The following LRRC28 variants were observed in gnomAD, a reference collection of about 807,000 sequenced individuals.
LRRC28 encodes leucine-rich repeat-containing protein 28.
LRRC28 carries 39 observed loss-of-function variants against 45.7 expected under a neutral mutation model. The ratio of observed to expected loss-of-function variants is 0.85; its 90% CI spans 0.66 to 1.12. LRRC28 has a LOEUF of 1.12. Ranked by LOEUF, LRRC28 falls within the 50% of genes most tolerant of loss-of-function variation. The pLI is 0.00. For missense variants in LRRC28, 435 were observed against 438.5 expected, an observed-to-expected ratio of 0.99 and a Z score of 0.07; for synonymous variants, 206 against 178.8, an observed-to-expected ratio of 1.15 and a Z score of -1.22.
At chr15:99,332,774 A>G (rs1221963418) in intron 5 of LRRC28, among the ~76,000 whole-genome samples, 1 of 152,216 alleles carries the variant, frequency 6.6e-6, no homozygotes, top group Non-Finnish European at 1.5e-5. Context: ...CCAAGACGGC[A>G]GAAGACTCTT....
At chr15:99,364,896 C>G (rs1313177580) in intron 9 of LRRC28, among the ~76,000 whole-genome samples, 1 of 152,082 alleles carries the variant, frequency 6.6e-6, no homozygotes, top group Non-Finnish European at 1.5e-5. Flanking sequence ...AGCAAATGAT[C>G]TTTATATTAG....
Position 99,348,735 on chromosome 15 carries a change from G to GT in LRRC28, c.593-3626dup, listed in dbSNP as rs142559464. ...TCTCAGTATTGCTTTGGCTATTTGG[G>GT]TTTTTTTTGTTGTTTTTTTTTTGTT... is the stretch of plus-strand genomic sequence containing the variant. On this transcript the variant is annotated intron_variant, in intron 6 of 9. Coordinates refer to ENST00000301981, the MANE Select transcript of LRRC28 (RefSeq NM_144598.5). Among the ~76,000 whole-genome samples, 995 of 147,698 alleles carry GT rather than the reference G, an allele frequency of 6.7e-3. 9 individuals are homozygous for GT. The highest frequency in any genetic ancestry group is 0.024 in the African/African-American group (959 of 40,442).
intron 9 of LRRC28, chr15:99,384,737 G>T (rs577592331): frequency 2.0e-5 from 3 of 152,282 alleles, no homozygotes; most frequent in African/African-American, 7.2e-5. Flanking sequence ...GAGTAACCAT[G>T]ATGCCACCAC....
intron 9 of LRRC28, among the ~76,000 whole-genome samples, chr15:99,363,623 G>T (rs1567699565): frequency 6.6e-6 from 1 of 152,194 alleles, no homozygotes; most frequent in Non-Finnish European, 1.5e-5. Flanking sequence ...CTTTTGCTTG[G>T]TTGGTGTTGC....
At chr15:99,363,069 T>C (rs1430329793) in intron 8 of LRRC28, 37 bp from the exon 9 acceptor site, 2 of 1,576,780 alleles carry the variant, frequency 1.3e-6, no homozygotes, top group East Asian at 4.5e-5. Context: ...AAGTCTGATT[T>C]TTTTACTCGT....
At chr15:99,287,766 G>A in intron 4 of LRRC28, 48 bp from the exon 5 acceptor site, 1 of 1,547,822 alleles carries the variant, frequency 6.5e-7, no homozygotes, top group Non-Finnish European at 8.7e-7. Flanking sequence ...AAGATTTGAT[G>A]TAATACTTGA....
At chr15:99,346,502 A>G (rs1435715530) in intron 6 of LRRC28, among the ~76,000 whole-genome samples, 3 of 152,260 alleles carry the variant, frequency 2.0e-5, no homozygotes, top group African/African-American at 7.2e-5. Context: ...AATAGCAAAA[A>G]TTTGAATCAA....
At chr15:99,260,256 A>G (rs1285686675) in intron 2 of LRRC28, among the ~76,000 whole-genome samples, 2 of 152,190 alleles carry the variant, frequency 1.3e-5, no homozygotes, top group East Asian at 1.9e-4. Flanking sequence ...AAATCTTGTC[A>G]TGTATAAAAA....
intron 6 of LRRC28, among the ~76,000 whole-genome samples, chr15:99,348,791 A>AT (rs1247069863): frequency 6.7e-6 from 1 of 149,034 alleles, no homozygotes; most frequent in Non-Finnish European, 1.5e-5. Flanking sequence ...ATTTTAGAAA[A>AT]TTTTTTTCTA....
At chr15:99,373,026 C>A (rs544214984) in intron 9 of LRRC28, among the ~76,000 whole-genome samples, 3 of 152,014 alleles carry the variant, frequency 2.0e-5, no homozygotes, top group Non-Finnish European at 2.9e-5. Flanking sequence ...TAACCACCCC[C>A]CCATGATTTA....
rs530566654 is a variant in LRRC28 at position 99,293,973 on chromosome 15, CTT to C, written c.385+6027_385+6028del. Among the ~76,000 whole-genome samples the C allele has an allele frequency of 5.0e-3, 761 of 152,246 alleles. 1 individual carries two copies. The highest frequency in any genetic ancestry group is 8.6e-3 in the Non-Finnish European group (584 of 68,004). ...GAAATAAAATTCTGGATTGACAAGA[CTT>C]TTTTCTTTGAGCACTTTAAGGAAGA... On this transcript the variant is annotated intron_variant, in intron 5 of 9. Transcript: ENST00000301981.
At chr15:99,301,762 A>G (rs182922864) in intron 5 of LRRC28, among the ~76,000 whole-genome samples, 4 of 152,322 alleles carry the variant, frequency 2.6e-5, no homozygotes, top group Admixed American at 1.3e-4. Flanking sequence ...GAGAGTTTAC[A>G]TATTACCAGT....
intron 5 of LRRC28, among the ~76,000 whole-genome samples, chr15:99,300,792 C>T (rs931654470): frequency 1.7e-4 from 26 of 152,150 alleles, no homozygotes; most frequent in African/African-American, 6.3e-4. Context: ...TGCCACTGCA[C>T]TCCAGCCTGG....
intron 9 of LRRC28, among the ~76,000 whole-genome samples, chr15:99,384,068 C>A (rs1033839065): frequency 1.3e-5 from 2 of 152,214 alleles, no homozygotes; most frequent in Admixed American, 1.3e-4. Context: ...TCCTGCAACT[C>A]CATCAGCGTG....
At chr15:99,300,184 G>A (rs1278255084) in intron 5 of LRRC28, among the ~76,000 whole-genome samples, 1 of 151,632 alleles carries the variant, frequency 6.6e-6, no homozygotes, top group African/African-American at 2.4e-5. Flanking sequence ...TTAGGTTGTA[G>A]CATGAATCCA....
intron 9 of LRRC28, among the ~76,000 whole-genome samples, chr15:99,372,411 A>C (rs1357119478): frequency 6.6e-6 from 1 of 152,206 alleles, no homozygotes; most frequent in Non-Finnish European, 1.5e-5. Flanking sequence ...CTTATTGCTT[A>C]GCTCAAAGTG....
Position 99,266,638 on chromosome 15 carries a change from C to T in LRRC28, c.169-9938C>T, listed in dbSNP as rs550998686. Among the ~76,000 whole-genome samples, 13 of 152,298 alleles carry T rather than the reference C, an allele frequency of 8.5e-5. No homozygotes were observed. The South Asian group carries it at 2.5e-3, about 29-fold the overall frequency. The stretch of plus-strand genomic sequence containing the variant: ...GGATATGTGTTTGAATCGGCATTTT[C>T]ACTTGCAAGAATCTACCCAATAGAA... On this transcript the variant is annotated intron_variant, in intron 2 of 9. Coordinates refer to ENST00000301981, the MANE Select transcript of LRRC28 (RefSeq NM_144598.5).
At chr15:99,336,559 G>GTTGGCCTCATTCAA (rs1351191889) in intron 6 of LRRC28, among the ~76,000 whole-genome samples, 1 of 152,136 alleles carries the variant, frequency 6.6e-6, no homozygotes, top group East Asian at 1.9e-4. Context: ...TGACACTCTC[G>GTTGGCCTCATTCAA]TTGGCCTCAT....
chr15:99,295,227 T>C (rs2082232649), intron 5 of LRRC28, among the ~76,000 whole-genome samples: 1 of 152,202 alleles, frequency 6.6e-6, no homozygotes, highest in African/African-American at 2.4e-5. Context: ...TTTGTTGCTG[T>C]TGCTGCTGCT....
Sources: allele counts gnomAD v4.1 joint callset (sites outside exome capture counted in the v4.1 genomes callset), GRCh38; gene constraint gnomAD v4.1.1; transcripts MANE v1.5; gene names NCBI Gene and HGNC (gene_info 2026-07-23, HGNC 2026-07-21).